Variants in DNAH11 observed in about 807,000 individuals in gnomAD.
DNAH11 encodes the protein axonemal beta dynein heavy chain 11.
A neutral mutation model predicts 526.0 loss-of-function variants in DNAH11; 442 were observed. The ratio of observed to expected loss-of-function variants is 0.84; its 90% CI spans 0.78 to 0.91. DNAH11 has a LOEUF of 0.91. DNAH11 is among the 40% of genes least tolerant of loss of function. The probability of loss-of-function intolerance (pLI) is 0.00; values close to 1 mark genes in which losing one functional copy is unlikely to be tolerated. For missense variants in DNAH11, 6,989 were observed against 5,448.7 expected, an observed-to-expected ratio of 1.28 and a Z score of -8.90; for synonymous variants, 2,461 against 1,935.9, an observed-to-expected ratio of 1.27 and a Z score of -7.12.
intron 25 of DNAH11, among the ~76,000 whole-genome samples, chr7:21,626,152 C>G (rs1035915487): frequency 1.3e-5 from 2 of 152,162 alleles, no homozygotes; most frequent in South Asian, 4.1e-4. Flanking sequence ...CTATCTAACA[C>G]TGGGTCTTAT....
Position 21,589,193 on chromosome 7 carries a change from A to G in DNAH11, c.1974-15A>G. On this transcript the variant is annotated splice_polypyrimidine_tract_variant and intron_variant, in intron 11 of 81. Transcript: ENST00000409508. The stretch of plus-strand genomic sequence containing the variant: ...AATATACGTATAAACCAGTAGAAAA[A>G]CCTTATTCCTACAGATTTTTGGGCA... 5 of 1,583,626 alleles carry G rather than the reference A, an allele frequency of 3.2e-6. No homozygotes were observed. The highest frequency in any genetic ancestry group is 4.3e-6 in the Non-Finnish European group (5 of 1,171,260).
At position 21,601,660 on chromosome 7, in the gene DNAH11, G is replaced by A. The variant is rs960947570; in HGVS notation, c.3648+42G>A. ...AATAATCATAATTACCATAAATTGAGCATCTCTTTTATTAAAGTACTTTAC... is the reference window on the plus strand; with the variant it reads ...AATAATCATAATTACCATAAATTGAACATCTCTTTTATTAAAGTACTTTAC... On this transcript the variant is annotated intron_variant, in intron 18 of 81. Coordinates refer to ENST00000409508, the MANE Select transcript of DNAH11 (RefSeq NM_001277115.2). The A allele has an allele frequency of 5.0e-6, 7 of 1,413,988 alleles. No homozygotes were observed. In the African/African-American group the frequency reaches 5.7e-5, roughly 12 times the overall value. 87.6% of individuals were successfully genotyped at this position (1,413,988 alleles called of 1,614,324 possible).
chr7:21,679,105 C>G (rs554194424), intron 30 of DNAH11, among the ~76,000 whole-genome samples: 1 of 151,952 alleles, frequency 6.6e-6, no homozygotes, highest in Non-Finnish European at 1.5e-5. Flanking sequence ...CTGGATGAAT[C>G]TGAAGGGCAT....
intron 21 of DNAH11, among the ~76,000 whole-genome samples, chr7:21,615,879 A>G (rs541100433): frequency 2.2e-3 from 328 of 152,330 alleles, no homozygotes; most frequent in African/African-American, 7.4e-3. Context: ...ATTTAGTTAC[A>G]TGTAGAATTA....
chr7:21,546,314 T>C (rs1371513479), intron 2 of DNAH11, among the ~76,000 whole-genome samples: 2 of 152,234 alleles, frequency 1.3e-5, no homozygotes, highest in Admixed American at 6.5e-5. Context: ...TTGAATTTAA[T>C]TGGCTTTAGC....
intron 45 of DNAH11, among the ~76,000 whole-genome samples, chr7:21,727,807 A>G (rs1302148240): frequency 1.3e-5 from 2 of 152,224 alleles, no homozygotes; most frequent in East Asian, 1.9e-4. Context: ...AGGTGGCACA[A>G]ACAATAAAAA....
At chr7:21,651,797 G>T (rs927551391) in intron 28 of DNAH11, among the ~76,000 whole-genome samples, 5 of 152,202 alleles carry the variant, frequency 3.3e-5, no homozygotes, top group African/African-American at 1.2e-4. Context: ...TTGAGTGATT[G>T]CATAAAGCAC....
At chr7:21,744,740 T>C (rs529852990) in intron 50 of DNAH11, 130 bp from the exon 51 acceptor site, 1 of 1,432,614 alleles carries the variant, frequency 7.0e-7, no homozygotes, top group East Asian at 2.4e-5. Flanking sequence ...ACTTGGTCTA[T>C]GCTTGGGAAC....
chr7:21,616,438 T>A, intron 22 of DNAH11, 146 bp downstream of exon 22: 1 of 584,540 alleles, frequency 1.7e-6, no homozygotes, highest in South Asian at 3.2e-5. Flanking sequence ...TTTTTCACCC[T>A]TAGCCAGTTG....
intron 27 of DNAH11, among the ~76,000 whole-genome samples, chr7:21,638,488 G>T (rs1786968943): frequency 6.6e-6 from 1 of 152,116 alleles, no homozygotes; most frequent in Non-Finnish European, 1.5e-5. Context: ...CTGAATACCT[G>T]ACAGGAGGGA....
At chr7:21,763,092 C>G (rs913661919) in intron 54 of DNAH11, among the ~76,000 whole-genome samples, 4 of 151,936 alleles carry the variant, frequency 2.6e-5, no homozygotes, top group African/African-American at 9.7e-5. Flanking sequence ...GCCTGTAATC[C>G]CAGCACTTTG....
intron 57 of DNAH11, among the ~76,000 whole-genome samples, chr7:21,782,488 C>T (rs2127984568): frequency 6.6e-6 from 1 of 152,306 alleles, no homozygotes; most frequent in South Asian, 2.1e-4. Flanking sequence ...ACCTGAGAAT[C>T]CTGTTCATTT....
intron 62 of DNAH11, among the ~76,000 whole-genome samples, chr7:21,807,266 A>G (rs1350890963): frequency 6.6e-6 from 1 of 152,202 alleles, no homozygotes; most frequent in Non-Finnish European, 1.5e-5. Context: ...TAGAAGGCCA[A>G]GGCAGGTGGA....
In DNAH11 at chr7:21,552,081, A is replaced by G. The variant is rs539889077; in HGVS notation, c.496-6721A>G. Among the ~76,000 whole-genome samples the G allele has an allele frequency of 3.9e-5, 6 of 152,224 alleles. No homozygotes were observed. In the East Asian group the frequency reaches 1.2e-3, roughly 29 times the overall value. On this transcript the variant is annotated intron_variant, in intron 2 of 81. Coordinates refer to ENST00000409508, the MANE Select transcript of DNAH11 (RefSeq NM_001277115.2). ...TGAGAGACAGAATCAAGAAGCTTGG[A>G]GGCAAAAGCAACAGGTTCCCTCTTC...
Position 21,779,024 on chromosome 7 carries a change from G to A in DNAH11, c.9403G>A (p.Glu3135Lys), listed in dbSNP as rs777605062. 8 of 1,613,310 alleles carry A rather than the reference G, an allele frequency of 5.0e-6. No homozygotes were observed. In the African/African-American group the frequency reaches 5.3e-5, roughly 11 times the overall value. ...GCTGCAACTGAGAAATCATGATGCC[G>A]AAGCTCTGATCACAAAGATCGGCCT... ...AELQLRNHDA[E>K]ALITKIGLQT... Residue 3135 changes from glutamate (E) to lysine (K), a missense_variant, in exon 57 of 82, where the codon GAA becomes AAA. Glu to Lys is a moderately conservative substitution (Grantham distance 56, BLOSUM62 1). Transcript: ENST00000409508.
rs373429896 is a variant in DNAH11 at position 21,696,345 on chromosome 7, A to G, written c.6042-1730A>G. ...AACTTATTTTAGTTGGTAATATGAA[A>G]TGAGTGTTTAAACAATTATTTTCCC... On this transcript the variant is annotated intron_variant, in intron 35 of 81. Coordinates refer to ENST00000409508, the MANE Select transcript of DNAH11 (RefSeq NM_001277115.2). Among the ~76,000 whole-genome samples, 7 of 152,198 alleles carry G rather than the reference A, an allele frequency of 4.6e-5. No homozygotes were observed. The East Asian group carries it at 9.6e-4, about 21-fold the overall frequency.
intron 73 of DNAH11, among the ~76,000 whole-genome samples, chr7:21,871,409 C>G (rs1170774058): frequency 6.6e-6 from 1 of 152,176 alleles, no homozygotes; most frequent in African/African-American, 2.4e-5. Context: ...AGAATAGCTG[C>G]CAAGCTAGAT....
chr7:21,868,646 A>C (rs552106466), intron 72 of DNAH11, among the ~76,000 whole-genome samples: 3 of 152,236 alleles, frequency 2.0e-5, no homozygotes, highest in Non-Finnish European at 4.4e-5. Context: ...AACCAAAGGA[A>C]CTGGCTTCCA....
intron 65 of DNAH11, among the ~76,000 whole-genome samples, chr7:21,827,133 T>C (rs1790334064): frequency 6.6e-6 from 1 of 152,234 alleles, no homozygotes; most frequent in Admixed American, 6.5e-5. Context: ...TGAGAAGATA[T>C]ACAGGTGAAC....
Sources: gnomAD v4.1 joint callset for allele counts (sites outside exome capture counted in the v4.1 genomes callset) on GRCh38, gnomAD v4.1.1 for gene constraint, MANE v1.5 for transcripts, NCBI Gene and HGNC (gene_info 2026-07-23, HGNC 2026-07-21) for gene names.